Variants in FAM114A1 observed in about 807,000 individuals in gnomAD.
The protein encoded by FAM114A1 is protein NOXP20.
FAM114A1 carries 62 observed loss-of-function variants against 64.3 expected under a neutral mutation model. That is an observed-to-expected ratio of 0.96 (90% confidence interval 0.79 to 1.19). The LOEUF is 1.19. Among genes scored for constraint, FAM114A1 ranks in the 50% most tolerant of loss-of-function variants. The probability of loss-of-function intolerance (pLI) is 0.00; values close to 1 mark genes in which losing one functional copy is unlikely to be tolerated. For synonymous variants in FAM114A1, 254 were observed against 251.1 expected (o/e 1.01, Z -0.11); for missense variants, 645 against 676.3 (o/e 0.95, Z 0.51).
intron 3 of FAM114A1, among the ~76,000 whole-genome samples, chr4:38,885,735 A>G (rs1715734530): frequency 6.6e-6 from 1 of 152,214 alleles, no homozygotes; most frequent in Non-Finnish European, 1.5e-5. Context: ...TAGAACCTCT[A>G]TAAATAGCTG....
At chr4:38,908,406 A>G (rs1465258762) in intron 6 of FAM114A1, among the ~76,000 whole-genome samples, 186 bp from the exon 7 acceptor site, 1 of 152,188 alleles carries the variant, frequency 6.6e-6, no homozygotes, top group East Asian at 1.9e-4. Context: ...TACAAATTAT[A>G]TAACATATGC....
At chr4:38,925,364 G>T (rs541734805) in intron 9 of FAM114A1, among the ~76,000 whole-genome samples, 1 of 152,296 alleles carries the variant, frequency 6.6e-6, no homozygotes, top group East Asian at 1.9e-4. Context: ...ATTATCGAGT[G>T]TCACAACCCC....
At chr4:38,935,147 C>T (rs2109797867) in intron 12 of FAM114A1, among the ~76,000 whole-genome samples, 1 of 152,224 alleles carries the variant, frequency 6.6e-6, no homozygotes, top group African/African-American at 2.4e-5. Context: ...GAACTCCTGA[C>T]CTCCGGTGAT....
Position 38,940,962 on chromosome 4 carries a change from C to T in FAM114A1, c.1537-6C>T. 1 of 1,614,032 alleles carries T rather than the reference C, an allele frequency of 6.2e-7. No individual in the cohort carries two copies. The highest frequency in any genetic ancestry group is 8.5e-7 in the Non-Finnish European group (1 of 1,179,938). Reference sequence around the variant, plus strand: ...ATCTGTCAATTTCATACTTCTGATTCCACAGAGCAACAAGAAGGCCGAGGT... The same window carrying T: ...ATCTGTCAATTTCATACTTCTGATTTCACAGAGCAACAAGAAGGCCGAGGT... On this transcript the variant is annotated splice_polypyrimidine_tract_variant and splice_region_variant and intron_variant, in intron 13 of 14. Transcript: ENST00000358869.
At chr4:38,896,567 GCT>G (rs1716961256) in intron 4 of FAM114A1, among the ~76,000 whole-genome samples, 1 of 152,196 alleles carries the variant, frequency 6.6e-6, no homozygotes, top group African/African-American at 2.4e-5. Flanking sequence ...ATGGAGCCAG[GCT>G]CACAGCCTGA....
rs762187696 is a variant in FAM114A1 at position 38,905,576 on chromosome 4, G to C, written c.491G>C (p.Gly164Ala). 4 of 1,614,058 alleles carry C rather than the reference G, an allele frequency of 2.5e-6. No individual in the cohort carries two copies. The African/African-American group carries it at 5.3e-5, about 22-fold the overall frequency. ...GCAGGAGCCACTCTACGGATTCATG[G>C]TGTAAATTCTGGATCTTCTGAAGGA... is the stretch of plus-strand genomic sequence containing the variant. The part of the protein sequence containing the change: ...EKAGATLRIH[G>A]VNSGSSEGAQ... The change falls in exon 5 of 15, where the codon GGT (glycine) becomes GCT (alanine). Residue 164 changes from glycine (G) to alanine (A), a missense_variant. Coordinates refer to ENST00000358869, the MANE Select transcript of FAM114A1 (RefSeq NM_138389.4).
intron 3 of FAM114A1, among the ~76,000 whole-genome samples, chr4:38,884,726 T>C (rs1365847152): frequency 1.3e-5 from 2 of 152,130 alleles, no homozygotes; most frequent in African/African-American, 2.4e-5. Context: ...GAACATCCCA[T>C]TGTTTAGGTG....
chr4:38,915,388 G>A (rs1419911055), intron 8 of FAM114A1, among the ~76,000 whole-genome samples: 2 of 152,110 alleles, frequency 1.3e-5, no homozygotes, highest in Non-Finnish European at 2.9e-5. Context: ...CCTCCCTTTG[G>A]TAACGAAGTA....
At chr4:38,910,099 T>C (rs1209607944) in intron 7 of FAM114A1, among the ~76,000 whole-genome samples, 1 of 151,488 alleles carries the variant, frequency 6.6e-6, no homozygotes, top group African/African-American at 2.4e-5. Context: ...ATTAGCCGGA[T>C]GTGGTGGCGA....
intron 3 of FAM114A1, among the ~76,000 whole-genome samples, chr4:38,887,132 T>C (rs1454389632): frequency 6.6e-6 from 1 of 152,080 alleles, no homozygotes; most frequent in African/African-American, 2.4e-5. Context: ...TGTACTTAAT[T>C]TGTGTTTAGA....
intron 12 of FAM114A1, among the ~76,000 whole-genome samples, chr4:38,935,170 G>A (rs916044389): frequency 2.6e-5 from 4 of 151,994 alleles, no homozygotes; most frequent in Non-Finnish European, 4.4e-5. Context: ...ACCCACCTCG[G>A]CCTCCCACAG....
chr4:38,932,885 C>T (rs1446652876), intron 12 of FAM114A1, among the ~76,000 whole-genome samples: 5 of 148,778 alleles, frequency 3.4e-5, no homozygotes, highest in East Asian at 2.0e-4. Context: ...GACAGAGTCT[C>T]GCTCTGTCAC....
At chr4:38,915,497 T>C (rs747891431) in intron 8 of FAM114A1, among the ~76,000 whole-genome samples, 4 of 152,150 alleles carry the variant, frequency 2.6e-5, no homozygotes, top group Non-Finnish European at 4.4e-5. Context: ...TTAATATATT[T>C]TGTCTTATGG....
intron 7 of FAM114A1, among the ~76,000 whole-genome samples, chr4:38,912,446 G>T (rs137861707): frequency 6.6e-6 from 1 of 152,062 alleles, no homozygotes; most frequent in Admixed American, 6.6e-5. Context: ...GTGCAATGGC[G>T]CAATCTTGGC....
At chr4:38,932,000 T>G (rs533916422) in intron 11 of FAM114A1, among the ~76,000 whole-genome samples, 56 of 152,336 alleles carry the variant, frequency 3.7e-4, no homozygotes, top group African/African-American at 1.3e-3. Context: ...CCAGCATTGC[T>G]GTAAGCACTG....
chr4:38,918,224 C>T (rs1032581764), intron 8 of FAM114A1, among the ~76,000 whole-genome samples: 1 of 152,016 alleles, frequency 6.6e-6, no homozygotes, highest in African/African-American at 2.4e-5. Context: ...AACTCCGTCT[C>T]AAAAAACATA....
At chr4:38,931,878 C>T (rs1201679487) in intron 11 of FAM114A1, among the ~76,000 whole-genome samples, 3 of 152,160 alleles carry the variant, frequency 2.0e-5, no homozygotes, top group Non-Finnish European at 1.5e-5. Context: ...TTGCTTAAAC[C>T]TGGGCGGTGG....
Position 38,922,992 on chromosome 4 carries a change from GCTC to G in FAM114A1, c.1069+107_1069+109del. 4.5e-6 allele frequency: 6 copies of G among 1,340,674 alleles called. No homozygotes were observed. In the South Asian group the frequency reaches 6.1e-5, roughly 14 times the overall value. 83.0% of individuals were successfully genotyped at this position (1,340,674 alleles called of 1,614,324 possible). A position where few individuals can be genotyped will look rare whatever the true frequency, so the allele number is the denominator to read the frequency against. Reference sequence around the variant, plus strand: ...GCCCTTTGAATTACTTAATTCAAGTGCTCCTCCTCCATGCTTCCAAAAGACACT... The same window carrying G: ...GCCCTTTGAATTACTTAATTCAAGTGCTCCTCCATGCTTCCAAAAGACACT... On this transcript the variant is annotated intron_variant, in intron 9 of 14. Coordinates refer to ENST00000358869, the MANE Select transcript of FAM114A1 (RefSeq NM_138389.4).
In FAM114A1 at chr4:38,944,237, T is replaced by G. The variant is rs1721800314; in HGVS notation, c.*680T>G. The G allele has an allele frequency of 6.6e-6, 1 of 151,808 alleles. No individual in the cohort carries two copies. Among genetic ancestry groups the G allele is most frequent in the African/African-American group, 2.4e-5 (1 of 41,300 alleles). 9.4% of individuals were successfully genotyped at this position (151,808 alleles called of 1,614,324 possible). A position where few individuals can be genotyped will look rare whatever the true frequency, so the allele number is the denominator to read the frequency against. ...GTGTGTGCCACCACGCCCAGCCAAT[T>G]TTTTTTGTATTTTTAGTAGAGACAG... is the stretch of plus-strand genomic sequence containing the variant. On this transcript the variant is annotated 3_prime_UTR_variant, in exon 15 of 15. Transcript: ENST00000358869.
Sources: allele counts gnomAD v4.1 joint callset (sites outside exome capture counted in the v4.1 genomes callset), GRCh38; gene constraint gnomAD v4.1.1; transcripts MANE v1.5; gene names NCBI Gene and HGNC (gene_info 2026-07-23, HGNC 2026-07-21).